WDR70: variants seen among roughly 807,000 people sequenced by gnomAD.
WDR70 encodes the protein WD repeat-containing protein 70.
A neutral mutation model predicts 88.6 loss-of-function variants in WDR70; 53 were observed. The ratio of observed to expected loss-of-function variants is 0.60; its 90% CI spans 0.48 to 0.75. The LOEUF (loss-of-function observed/expected upper bound fraction) is 0.75. Ranked by LOEUF, WDR70 falls within the 30% of genes least tolerant of loss-of-function variation. The pLI is 0.00. For missense variants in WDR70, 610 were observed against 823.2 expected, an observed-to-expected ratio of 0.74 and a Z score of 3.17; for synonymous variants, 280 against 270.0, an observed-to-expected ratio of 1.04 and a Z score of -0.36.
At chr5:37,590,260 A>T (rs915972718) in intron 9 of WDR70, among the ~76,000 whole-genome samples, 8 of 152,182 alleles carry the variant, frequency 5.3e-5, no homozygotes, top group African/African-American at 1.9e-4. Flanking sequence ...GTCACCCCAA[A>T]AAGAGACAAT....
At chr5:37,711,048 A>G (rs897484588) in intron 13 of WDR70, among the ~76,000 whole-genome samples, 5 of 152,110 alleles carry the variant, frequency 3.3e-5, no homozygotes. Flanking sequence ...ACTGTCTACA[A>G]TGGTGATGGA....
chr5:37,386,809 C>T (rs1334889538), intron 3 of WDR70, among the ~76,000 whole-genome samples: 2 of 151,890 alleles, frequency 1.3e-5, no homozygotes, highest in Non-Finnish European at 2.9e-5. Flanking sequence ...TAAAATGGCA[C>T]AATCTGGGCT....
intron 9 of WDR70, among the ~76,000 whole-genome samples, chr5:37,527,313 C>G (rs951285563): frequency 6.6e-6 from 1 of 152,110 alleles, no homozygotes; most frequent in Non-Finnish European, 1.5e-5. Flanking sequence ...AATCAGAGCC[C>G]TCAGAAAGAA....
intron 10 of WDR70, among the ~76,000 whole-genome samples, chr5:37,611,109 C>T (rs569304850): frequency 5.6e-4 from 85 of 152,274 alleles, no homozygotes; most frequent in Admixed American, 9.2e-4. Flanking sequence ...CGTTGGACAC[C>T]ATCTGCTGTG....
intron 9 of WDR70, among the ~76,000 whole-genome samples, chr5:37,589,049 C>A (rs950187195): frequency 6.6e-6 from 1 of 152,000 alleles, no homozygotes; most frequent in Non-Finnish European, 1.5e-5. Context: ...AGGCATGAGC[C>A]ACTGCGCCCG....
Position 37,649,733 on chromosome 5 carries a change from C to CTTTTTTTTTTTTTTTTTTTT in WDR70, c.1092+44498_1092+44517dup, listed in dbSNP as rs70978834. On this transcript the variant is annotated intron_variant, in intron 10 of 17. Coordinates refer to ENST00000265107, the MANE Select transcript of WDR70 (RefSeq NM_018034.4). ...ATATACATTCACGATGTTATTACTT[C>CTTTTTTTTTTTTTTTTTTTT]TTTTTTTTTTTTTTTTTTTTTTGAG... Among the ~76,000 whole-genome samples, 7 of 68,740 alleles carry CTTTTTTTTTTTTTTTTTTTT rather than the reference C, an allele frequency of 1.0e-4. 2 individuals carry two copies. The highest frequency in any genetic ancestry group is 4.5e-4 in the African/African-American group (7 of 15,616). The allele number at this position is 68,740 out of a possible 152,430, so 45.1% of individuals were successfully genotyped here.
At chr5:37,391,883 GC>G in intron 3 of WDR70, 116 bp from the exon 4 acceptor site, 1 of 1,179,490 alleles carries the variant, frequency 8.5e-7, no homozygotes. Flanking sequence ...TGCTGTTACT[GC>G]TAACACTCTA....
At chr5:37,631,336 A>G (rs1744810940) in intron 10 of WDR70, among the ~76,000 whole-genome samples, 1 of 152,206 alleles carries the variant, frequency 6.6e-6, no homozygotes, top group South Asian at 2.1e-4. Context: ...GAAGGCAGTT[A>G]GCTTTATTGT....
At position 37,396,555 on chromosome 5, in the gene WDR70, A is replaced by G; in HGVS notation, c.477A>G (p.Glu159=). ...AAGAAGCAGAGGAAGAAGAAGAGGA[A>G]GAGGAGGAAGAGGAAGTAAGTATTT... The part of the protein sequence containing the change: ...EEEEAEEEEE[E]EEEEENPVHK... Residue 159 remains glutamate, a synonymous_variant, in exon 5 of 18, where the codon GAA becomes GAG. Coordinates refer to ENST00000265107, the MANE Select transcript of WDR70 (RefSeq NM_018034.4). The G allele has an allele frequency of 6.2e-7, 1 of 1,610,788 alleles. No individual in the cohort carries two copies. Among genetic ancestry groups the G allele is most frequent in the Non-Finnish European group, 8.5e-7 (1 of 1,179,364 alleles).
At chr5:37,742,158 C>G (rs961649043) in intron 17 of WDR70, among the ~76,000 whole-genome samples, 1 of 151,872 alleles carries the variant, frequency 6.6e-6, no homozygotes, top group African/African-American at 2.4e-5. Flanking sequence ...TTTGAGGAAC[C>G]ACTACACTGT....
At chr5:37,601,663 T>TC (rs1743887434) in intron 9 of WDR70, among the ~76,000 whole-genome samples, 1 of 152,172 alleles carries the variant, frequency 6.6e-6, no homozygotes, top group Non-Finnish European at 1.5e-5. Context: ...GGTTTTTTTT[T>TC]GATGGTGAAC....
intron 6 of WDR70, 76 bp downstream of exon 6, chr5:37,438,057 T>A: frequency 7.8e-7 from 1 of 1,279,706 alleles, no homozygotes; most frequent in Non-Finnish European, 1.1e-6. Context: ...TAAGATACAT[T>A]TGTATTAAGG....
At chr5:37,609,107 T>C (rs941357564) in intron 10 of WDR70, among the ~76,000 whole-genome samples, 1 of 152,252 alleles carries the variant, frequency 6.6e-6, no homozygotes, top group African/African-American at 2.4e-5. Flanking sequence ...ATCCTAGTTA[T>C]GTGAATACAC....
At position 37,726,870 on chromosome 5, in the gene WDR70, T is replaced by C. The variant is rs370872170; in HGVS notation, c.1715-13T>C. 35 of 1,574,776 alleles carry C rather than the reference T, an allele frequency of 2.2e-5. No individual in the cohort carries two copies. The highest frequency in any genetic ancestry group is 2.9e-5 in the Non-Finnish European group (34 of 1,164,934). On this transcript the variant is annotated splice_polypyrimidine_tract_variant and intron_variant, in intron 16 of 17. Coordinates refer to ENST00000265107, the MANE Select transcript of WDR70 (RefSeq NM_018034.4). ...ATTCAGTTTCTAATTTGGTTTTTTT[T>C]CTTTTGCAATAGGTCGTGGTGGCCG...
At chr5:37,663,343 AT>A (rs1229894783) in intron 10 of WDR70, among the ~76,000 whole-genome samples, 1 of 152,130 alleles carries the variant, frequency 6.6e-6, no homozygotes, top group Non-Finnish European at 1.5e-5. Flanking sequence ...TGTAATACAT[AT>A]TTTACCAAGA....
At chr5:37,714,491 T>C (rs1168882462) in intron 13 of WDR70, among the ~76,000 whole-genome samples, 1 of 150,420 alleles carries the variant, frequency 6.6e-6, no homozygotes, top group Non-Finnish European at 1.5e-5. Context: ...ATATGTCATA[T>C]AAACAGATAA....
intron 10 of WDR70, among the ~76,000 whole-genome samples, chr5:37,664,848 G>A (rs1042477260): frequency 1.3e-5 from 2 of 152,214 alleles, no homozygotes; most frequent in African/African-American, 4.8e-5. Flanking sequence ...TATAAGATCA[G>A]CATTATACTT....
At chr5:37,540,352 T>C (rs571834118) in intron 9 of WDR70, among the ~76,000 whole-genome samples, 1 of 152,298 alleles carries the variant, frequency 6.6e-6, no homozygotes, top group African/African-American at 2.4e-5. Context: ...CCTGCTGTTA[T>C]ATATAATTCA....
At chr5:37,470,861 T>C (rs13181312) in intron 7 of WDR70, among the ~76,000 whole-genome samples, 39,574 of 151,818 alleles carry the variant, frequency 0.26, 5,760 homozygotes, top group East Asian at 0.48. Flanking sequence ...GGTCATTGAT[T>C]ATGCATACAT....
Sources: allele counts gnomAD v4.1 joint callset (sites outside exome capture counted in the v4.1 genomes callset), GRCh38; gene constraint gnomAD v4.1.1; transcripts MANE v1.5; gene names NCBI Gene and HGNC (gene_info 2026-07-23, HGNC 2026-07-21).